The following IL1RAPL1 variants were observed in gnomAD, a reference collection of about 807,000 sequenced individuals.
IL1RAPL1 encodes interleukin-1 receptor accessory protein-like 1.
A neutral mutation model predicts 48.4 loss-of-function variants in IL1RAPL1; 3 were observed. The observed-to-expected ratio is 0.06, with a 90% CI of 0.03 to 0.16. The LOEUF (loss-of-function observed/expected upper bound fraction) is 0.16, where lower values mean the gene tolerates loss of function less well. Ranked by LOEUF, IL1RAPL1 falls within the 10% of genes least tolerant of loss-of-function variation. The probability of loss-of-function intolerance (pLI) is 1.00; values close to 1 mark genes in which losing one functional copy is unlikely to be tolerated. For synonymous variants in IL1RAPL1, 185 were observed against 187.7 expected (o/e 0.99, Z 0.12); for missense variants, 349 against 530.6 (o/e 0.66, Z 3.36).
chrX:29,392,313 C>G (rs1933864131), intron 3 of IL1RAPL1, among the ~76,000 whole-genome samples: 1 of 112,144 alleles, frequency 8.9e-6, no homozygotes, highest in Non-Finnish European at 1.9e-5. Flanking sequence ...CCCCATTCCA[C>G]GTTATTTCCC....
intron 2 of IL1RAPL1, among the ~76,000 whole-genome samples, chrX:28,842,446 T>C (rs1032367231): frequency 9.0e-6 from 1 of 111,159 alleles, no homozygotes; most frequent in African/African-American, 3.3e-5. Flanking sequence ...ACATCTTTTC[T>C]TTGACCTCGG....
At chrX:29,211,809 T>C (rs1930774755) in intron 2 of IL1RAPL1, among the ~76,000 whole-genome samples, 1 of 111,654 alleles carries the variant, frequency 9.0e-6, no homozygotes, top group Admixed American at 9.6e-5. Context: ...ATTATTACAA[T>C]AGCAATAACC....
chrX:29,223,714 T>A (rs1277193696), intron 2 of IL1RAPL1, among the ~76,000 whole-genome samples: 1 of 109,075 alleles, frequency 9.2e-6, no homozygotes, highest in Non-Finnish European at 1.9e-5. Flanking sequence ...CCGGCTAATT[T>A]TTGTATTTTT....
chrX:29,325,409 G>A (rs977979082), intron 3 of IL1RAPL1, among the ~76,000 whole-genome samples: 61 of 112,014 alleles, frequency 5.4e-4, no homozygotes, highest in African/African-American at 1.9e-3. Context: ...AAATTAATTG[G>A]CAAGAATTAC....
At chrX:29,842,397 G>T (rs1438705591) in intron 6 of IL1RAPL1, among the ~76,000 whole-genome samples, 1 of 111,676 alleles carries the variant, frequency 9.0e-6, no homozygotes, top group Non-Finnish European at 1.9e-5. Flanking sequence ...TCAGGCTGTG[G>T]AAATTTCAAG....
intron 3 of IL1RAPL1, among the ~76,000 whole-genome samples, chrX:29,304,797 T>A (rs1216298817): frequency 1.8e-5 from 2 of 112,725 alleles, no homozygotes; most frequent in Non-Finnish European, 3.7e-5. Context: ...TGAGACGAAG[T>A]TTCACTCTTC....
chrX:28,644,408 G>A (rs1185311181), intron 1 of IL1RAPL1, among the ~76,000 whole-genome samples: 1 of 111,709 alleles, frequency 9.0e-6, no homozygotes, highest in South Asian at 3.8e-4. Flanking sequence ...CAGTTCACCT[G>A]ATTCTGGAAA....
intron 3 of IL1RAPL1, among the ~76,000 whole-genome samples, chrX:29,324,008 C>T (rs1307337589): frequency 9.4e-6 from 1 of 106,592 alleles, no homozygotes; most frequent in Non-Finnish European, 1.9e-5. Flanking sequence ...ACTACCACAG[C>T]ACACAACAGT....
chrX:29,160,173 C>A (rs5985965), intron 2 of IL1RAPL1, among the ~76,000 whole-genome samples: 31,512 of 111,108 alleles, frequency 0.28, 4,107 homozygotes, highest in African/African-American at 0.51. Flanking sequence ...TCTTTAGATG[C>A]AGTAGTTTTA....
At chrX:28,924,950 G>C (rs1289700601) in intron 2 of IL1RAPL1, among the ~76,000 whole-genome samples, 1 of 111,362 alleles carries the variant, frequency 9.0e-6, no homozygotes, top group Non-Finnish European at 1.9e-5. Context: ...TTATCATAAC[G>C]AGTGTTGCCA....
chrX:28,745,763 G>A (rs1935968705), intron 1 of IL1RAPL1, among the ~76,000 whole-genome samples: 1 of 111,640 alleles, frequency 9.0e-6, no homozygotes, highest in Non-Finnish European at 1.9e-5. Context: ...TATAGTGTAT[G>A]TACAATATAG....
At chrX:29,592,390 A>C (rs752478465) in intron 5 of IL1RAPL1, among the ~76,000 whole-genome samples, 1 of 111,166 alleles carries the variant, frequency 9.0e-6, no homozygotes, top group African/African-American at 3.3e-5. Context: ...GCTTATATGT[A>C]ATATTATCAT....
rs377152462 is a variant in IL1RAPL1 at position 29,761,411 on chromosome X, C to G, written c.778+92907C>G. On this transcript the variant is annotated intron_variant, in intron 6 of 10. Transcript: ENST00000378993. ...TAAAGAAAACAATTTGGGAGAAAAG[C>G]CTCTCGCCAGCATTTCTTCAATCAC... Among the ~76,000 whole-genome samples, 5 of 111,577 alleles carry G rather than the reference C, an allele frequency of 4.5e-5. No individual in the cohort carries two copies. The East Asian group carries it at 1.4e-3, about 31-fold the overall frequency.
chrX:28,747,640 C>T (rs756819731), intron 1 of IL1RAPL1, among the ~76,000 whole-genome samples: 38 of 111,815 alleles, frequency 3.4e-4, no homozygotes, highest in African/African-American at 1.2e-3. Context: ...GACTCCGTCT[C>T]GAAACAAAAT....
At chrX:29,728,369 G>C (rs534757838) in intron 6 of IL1RAPL1, among the ~76,000 whole-genome samples, 2 of 111,799 alleles carry the variant, frequency 1.8e-5, no homozygotes, top group African/African-American at 6.5e-5. Context: ...CTAACCTACC[G>C]TGAGATTATC....
intron 1 of IL1RAPL1, among the ~76,000 whole-genome samples, chrX:28,664,403 G>A (rs1392458417): frequency 8.9e-6 from 1 of 112,140 alleles, no homozygotes; most frequent in Non-Finnish European, 1.9e-5. Flanking sequence ...TGGATTCAGA[G>A]AATAAGATTT....
chrX:29,872,445 G>A (rs945992733), intron 6 of IL1RAPL1, among the ~76,000 whole-genome samples: 2 of 111,463 alleles, frequency 1.8e-5, no homozygotes, highest in Non-Finnish European at 3.8e-5. Context: ...GGATGTTTGT[G>A]TCTCCCCCAA....
intron 2 of IL1RAPL1, among the ~76,000 whole-genome samples, chrX:28,835,915 T>C (rs1384850192): frequency 1.8e-5 from 2 of 111,332 alleles, no homozygotes; most frequent in African/African-American, 6.5e-5. Flanking sequence ...TTATATTTGT[T>C]TTTTGAGATG....
intron 2 of IL1RAPL1, among the ~76,000 whole-genome samples, chrX:29,236,562 T>TTTTTTTTTTTTTTTTTTTTA (rs1931307154): frequency 2.6e-5 from 1 of 38,327 alleles, no homozygotes. Flanking sequence ...TTTTTTTTTT[T>TTTTTTTTTTTTTTTTTTTTA]TTTTTTTTGA....
Sources: allele counts gnomAD v4.1 joint callset (sites outside exome capture counted in the v4.1 genomes callset), GRCh38; gene constraint gnomAD v4.1.1; transcripts MANE v1.5; gene names NCBI Gene and HGNC (gene_info 2026-07-23, HGNC 2026-07-21).